KDM2B: variants seen among roughly 807,000 people sequenced by gnomAD.
KDM2B encodes lysine-specific demethylase 2B.
In KDM2B, 26 loss-of-function variants were observed where a neutral mutation model predicts 150.0. The observed-to-expected ratio is 0.17, with a 90% confidence interval of 0.13 to 0.24. KDM2B has a LOEUF of 0.24. KDM2B is among the 10% of genes least tolerant of loss of function. The probability of loss-of-function intolerance (pLI) is 1.00; values close to 1 mark genes in which losing one functional copy is unlikely to be tolerated. For missense variants in KDM2B, 1,265 were observed against 1,816.9 expected (o/e 0.70, Z 5.52); for synonymous variants, 734 against 729.5 (o/e 1.01, Z -0.10).
At chr12:121,494,530 G>A (rs1555300510) in intron 12 of KDM2B, 49 bp downstream of exon 12, 2 of 1,450,196 alleles carry the variant, frequency 1.4e-6, no homozygotes, top group East Asian at 2.4e-5. Context: ...TACAGGAGGT[G>A]GGAAGGAGGT....
chr12:121,482,832 G>A (rs116603993), intron 12 of KDM2B, among the ~76,000 whole-genome samples: 2,745 of 152,174 alleles, frequency 0.018, 64 homozygotes, highest in African/African-American at 0.06. Context: ...CTTGCAATCT[G>A]GGAGCAGTTT....
At chr12:121,447,483 T>C (rs998350202) in intron 13 of KDM2B, among the ~76,000 whole-genome samples, 2 of 151,866 alleles carry the variant, frequency 1.3e-5, no homozygotes, top group Non-Finnish European at 2.9e-5. Context: ...GACCTCATGA[T>C]CCACCCACAT....
rs1194224673 is a variant in KDM2B, at chr12:121,451,059, G to C, written c.1959+2061C>G. Among the ~76,000 whole-genome samples the C allele has an allele frequency of 2.0e-5, 3 of 151,992 alleles. No homozygotes were observed. The East Asian group carries it at 5.8e-4, about 29-fold the overall frequency. On this transcript the variant is annotated intron_variant, in intron 13 of 22. Transcript: ENST00000377071. Reference sequence around the variant, plus strand: ...TTGAACTGTGTGGGTCCGCTTATATGCCGATTTTTTTTCAACAAAAGTTAT... The same window carrying C: ...TTGAACTGTGTGGGTCCGCTTATATCCCGATTTTTTTTCAACAAAAGTTAT...
intron 11 of KDM2B, among the ~76,000 whole-genome samples, chr12:121,506,345 C>T (rs1885065833): frequency 6.6e-6 from 1 of 152,070 alleles, no homozygotes; most frequent in Non-Finnish European, 1.5e-5. Flanking sequence ...TAATGCCTGT[C>T]AGACTAATCA....
Position 121,467,758 on chromosome 12 carries a change from G to C in KDM2B, c.1735-14414C>G, listed in dbSNP as rs1160474526. The C allele has an allele frequency of 2.0e-5, 3 of 152,198 alleles. No individual in the cohort carries two copies. Among genetic ancestry groups the C allele is most frequent in the African/African-American group, 7.2e-5 (3 of 41,440 alleles). The allele number at this position is 152,198 out of a possible 1,614,324, so 9.4% of individuals were successfully genotyped here. The stretch of plus-strand genomic sequence containing the variant: ...CTCGCGGAAGCCCGGGGGCGCCCGG[G>C]CCGTGGGGGACGACTCTGCACCCGA... On this transcript the variant is annotated intron_variant, in intron 12 of 22. Transcript: ENST00000377071. The surrounding 1 kb of genome is among the most constrained non-coding windows in gnomAD (Gnocchi z 5.1).
chr12:121,511,098 T>C (rs1193334737), intron 10 of KDM2B, among the ~76,000 whole-genome samples: 1 of 150,674 alleles, frequency 6.6e-6, no homozygotes. Context: ...GCAACCTCCA[T>C]CTCCTGGGTT....
chr12:121,565,927 C>T (rs1480090471), intron 4 of KDM2B, among the ~76,000 whole-genome samples: 1 of 150,732 alleles, frequency 6.6e-6, no homozygotes, highest in Non-Finnish European at 1.5e-5. Context: ...GTGCCCGGCC[C>T]AGGAATTTTT....
Position 121,569,006 on chromosome 12 carries a change from C to T in KDM2B, c.397+5541G>A, listed in dbSNP as rs117802373. ...GTAGTGCACAAATCCCTTTCTCAAACGGCCACGTCCCGTGGTGCAGTGCCC... is the reference window on the plus strand; with the variant it reads ...GTAGTGCACAAATCCCTTTCTCAAATGGCCACGTCCCGTGGTGCAGTGCCC... On this transcript the variant is annotated intron_variant, in intron 4 of 22. Coordinates refer to ENST00000377071, the MANE Select transcript of KDM2B (RefSeq NM_032590.5). Among the ~76,000 whole-genome samples, 455 of 152,264 alleles carry T rather than the reference C, an allele frequency of 3.0e-3. 4 individuals are homozygous for T. The highest frequency in any genetic ancestry group is 4.1e-3 in the Non-Finnish European group (282 of 68,008).
intron 11 of KDM2B, among the ~76,000 whole-genome samples, chr12:121,508,159 T>TCC (rs1366181866): frequency 6.6e-6 from 1 of 152,126 alleles, no homozygotes; most frequent in African/African-American, 2.4e-5. Context: ...AGACCATGGC[T>TCC]CCCTATAGCA....
chr12:121,423,844 G>A, the KDM2B span: 118 of 392,302 alleles, frequency 3.0e-4, no homozygotes, highest in Non-Finnish European at 4.8e-4. The surrounding 1 kb of genome is among the most constrained non-coding windows in gnomAD (Gnocchi z 4.3). Flanking sequence ...GCCTGTTTGC[G>A]CCATGTGGGC....
chr12:121,422,962 T>C, the KDM2B span, among the ~76,000 whole-genome samples: 2 of 152,158 alleles, frequency 1.3e-5, no homozygotes, highest in African/African-American at 4.8e-5. Flanking sequence ...CTCCAGAGAC[T>C]GTGGTGTTCC....
the KDM2B span, chr12:121,420,656 T>C: frequency 6.2e-7 from 1 of 1,614,156 alleles, no homozygotes; most frequent in Non-Finnish European, 8.5e-7. Flanking sequence ...GGAATGAGCG[T>C]GCGCCAGCTG....
chr12:121,535,640 AAG>A (rs1888026609), intron 6 of KDM2B, among the ~76,000 whole-genome samples: 1 of 152,208 alleles, frequency 6.6e-6, no homozygotes, highest in African/African-American at 2.4e-5. Flanking sequence ...TGCACAGAGG[AAG>A]AGAAGGAGGA....
intron 4 of KDM2B, among the ~76,000 whole-genome samples, chr12:121,570,050 T>C (rs527679152): frequency 6.6e-6 from 1 of 151,370 alleles, no homozygotes; most frequent in Non-Finnish European, 1.5e-5. Context: ...GTTTTTTTGG[T>C]TTTGTTTTGT....
At chr12:121,511,323 G>A (rs1555303977) in intron 10 of KDM2B, among the ~76,000 whole-genome samples, 1 of 103,932 alleles carries the variant, frequency 9.6e-6, no homozygotes, top group Non-Finnish European at 1.8e-5. Context: ...GTCTCACTTT[G>A]TTGGCCAGAC....
intron 9 of KDM2B, chr12:121,516,917 G>A: frequency 1.5e-6 from 1 of 661,776 alleles, no homozygotes; most frequent in South Asian, 1.7e-5. Flanking sequence ...CAATGGTAGG[G>A]GGAAGGGGAG....
intron 9 of KDM2B, chr12:121,516,560 TGACA>T: frequency 1.4e-6 from 2 of 1,448,140 alleles, no homozygotes; most frequent in Non-Finnish European, 1.8e-6. Context: ...CATTATTTGT[TGACA>T]GACTCGGAGC....
chr12:121,571,552 C>T (rs1203623617), intron 4 of KDM2B, among the ~76,000 whole-genome samples: 1 of 151,996 alleles, frequency 6.6e-6, no homozygotes, highest in Non-Finnish European at 1.5e-5. Context: ...CCTCAACTTC[C>T]CAAAGCGCTG....
chr12:121,493,059 CTTTTTTTTTTTTTTTT>C (rs61628112), intron 12 of KDM2B, among the ~76,000 whole-genome samples: 2 of 54,080 alleles, frequency 3.7e-5, no homozygotes, highest in Non-Finnish European at 6.2e-5. Flanking sequence ...TCATGCCTGG[CTTTTTTTTTTTTTTTT>C]TTTTTTTTTT....
Sources: allele counts gnomAD v4.1 joint callset (sites outside exome capture counted in the v4.1 genomes callset), GRCh38; gene constraint gnomAD v4.1.1; non-coding constraint Gnocchi (gnomAD v3.1); transcripts MANE v1.5; gene names NCBI Gene and HGNC (gene_info 2026-07-23, HGNC 2026-07-21).